LPP: variants seen among roughly 807,000 people sequenced by gnomAD.
The protein encoded by LPP is LIM domain containing preferred translocation partner in lipoma.
A neutral mutation model predicts 60.4 loss-of-function variants in LPP; 38 were observed. That is an observed-to-expected ratio of 0.63 (90% CI 0.49 to 0.83). The LOEUF (loss-of-function observed/expected upper bound fraction) is 0.83, where lower values mean the gene tolerates loss of function less well. Among genes scored for constraint, LPP ranks in the 40% least tolerant of loss-of-function variants. The pLI, the probability that LPP is intolerant of heterozygous loss-of-function variation, is 0.00. For synonymous variants in LPP, 328 were observed against 290.8 expected, an observed-to-expected ratio of 1.13 and a Z score of -1.30; for missense variants, 902 against 783.6, an observed-to-expected ratio of 1.15 and a Z score of -1.80.
chr3:188,340,595 A>G (rs1289578385), intron 2 of LPP, among the ~76,000 whole-genome samples: 2 of 152,096 alleles, frequency 1.3e-5, no homozygotes. Flanking sequence ...GTCTGGTGGA[A>G]ACTCCAACTC....
rs887878188 is a variant in LPP, at chr3:188,622,769, C to A, written c.1113+12925C>A. Reference sequence around the variant, plus strand: ...GCTGGGCCAGGCACAGTGGCTCACACCTGTAATCCCAGCACTTTGGGAGAC... The same window carrying A: ...GCTGGGCCAGGCACAGTGGCTCACAACTGTAATCCCAGCACTTTGGGAGAC... On this transcript the variant is annotated intron_variant, in intron 7 of 11. Transcript: ENST00000617246. Among the ~76,000 whole-genome samples the A allele has an allele frequency of 5.3e-4, 81 of 152,000 alleles. 2 individuals carry two copies. The highest frequency in any genetic ancestry group is 1.6e-4 in the Non-Finnish European group (11 of 67,986).
intron 1 of LPP, among the ~76,000 whole-genome samples, chr3:188,221,700 G>T (rs1715851026): frequency 6.6e-6 from 1 of 152,156 alleles, no homozygotes; most frequent in South Asian, 2.1e-4. Flanking sequence ...TAGTGCCAGG[G>T]TTCTGAGCTT....
chr3:188,698,704 T>A (rs1023905915), intron 7 of LPP, among the ~76,000 whole-genome samples: 5 of 152,238 alleles, frequency 3.3e-5, no homozygotes, highest in Admixed American at 6.5e-5. Flanking sequence ...TGCCGAAGCC[T>A]AAGGGAGGCT....
At chr3:188,196,855 A>G (rs1231833103) in intron 1 of LPP, among the ~76,000 whole-genome samples, 1 of 152,274 alleles carries the variant, frequency 6.6e-6, no homozygotes, top group East Asian at 1.9e-4. Flanking sequence ...GACCTCACAC[A>G]TAGTGTTCCC....
intron 9 of LPP, among the ~76,000 whole-genome samples, chr3:188,801,294 C>T (rs1056667121): frequency 6.6e-6 from 1 of 152,104 alleles, no homozygotes; most frequent in African/African-American, 2.4e-5. Flanking sequence ...ATAAATTATA[C>T]AGTTAATATA....
intron 2 of LPP, among the ~76,000 whole-genome samples, chr3:188,282,748 T>G (rs532973259): frequency 6.6e-6 from 1 of 152,294 alleles, no homozygotes; most frequent in Non-Finnish European, 1.5e-5. Flanking sequence ...TTAGCTCAAA[T>G]TCCACCTTCT....
At chr3:188,613,554 G>A (rs943248831) in intron 7 of LPP, among the ~76,000 whole-genome samples, 6 of 152,110 alleles carry the variant, frequency 3.9e-5, no homozygotes, top group Non-Finnish European at 8.8e-5. Flanking sequence ...GGAAGTTGGA[G>A]AATCTTGTCC....
chr3:188,753,984 T>C, intron 8 of LPP, among the ~76,000 whole-genome samples: 1 of 152,328 alleles, frequency 6.6e-6, no homozygotes, highest in Admixed American at 6.5e-5. Context: ...TTCACAGAGC[T>C]AAATGGCAAT....
intron 4 of LPP, among the ~76,000 whole-genome samples, chr3:188,442,404 A>G (rs1196688013): frequency 2.6e-5 from 4 of 152,178 alleles, no homozygotes; most frequent in Non-Finnish European, 5.9e-5. Flanking sequence ...GAATGTCAGT[A>G]CTAAAAGGAG....
intron 2 of LPP, among the ~76,000 whole-genome samples, chr3:188,323,199 G>A (rs1245751313): frequency 6.6e-6 from 1 of 152,134 alleles, no homozygotes; most frequent in African/African-American, 2.4e-5. Context: ...AAAAGAGAGA[G>A]AGCAGACATA....
Position 188,890,493 on chromosome 3 carries a change from G to A in LPP, c.*16014G>A. ...TTTAGGTATTTTCTTTTGTGTTTAT[G>A]CATTATCTGACTATATTAAAACCTG... On this transcript the variant is annotated 3_prime_UTR_variant, in exon 12 of 12. Transcript: ENST00000617246. The A allele has an allele frequency of 5.3e-6, 1 of 189,516 alleles. No individual in the cohort carries two copies. The highest frequency in any genetic ancestry group is 1.9e-4 in the South Asian group (1 of 5,154). The allele number at this position is 189,516 out of a possible 1,614,324, so 11.7% of individuals were successfully genotyped here.
At position 188,881,998 on chromosome 3, in the gene LPP, G is replaced by T; in HGVS notation, c.*7519G>T. 2 of 211,350 alleles carry T rather than the reference G, an allele frequency of 9.5e-6. No homozygotes were observed. Among genetic ancestry groups the T allele is most frequent in the African/African-American group, 2.3e-5 (1 of 44,178 alleles). The allele number at this position is 211,350 out of a possible 1,614,324, so 13.1% of individuals were successfully genotyped here. ...GAGTCCATATTTTTCTTTTCTTTTT[G>T]TTCTCCCAACATCCTTATCTCTTAC... is the stretch of plus-strand genomic sequence containing the variant. On this transcript the variant is annotated 3_prime_UTR_variant, in exon 12 of 12. Coordinates refer to ENST00000617246, the MANE Select transcript of LPP (RefSeq NM_001375462.1).
chr3:188,609,109 G>C lies in LPP; in HGVS notation c.430-52G>C. On this transcript the variant is annotated intron_variant, in intron 6 of 11. Coordinates refer to ENST00000617246, the MANE Select transcript of LPP (RefSeq NM_001375462.1). The surrounding 1 kb of genome is among the most constrained non-coding windows in gnomAD (Gnocchi z 6.9). ...CATTTATTCATTTTTATTGAGTTTC[G>C]TTGGCAGTAATTTTTGCTTTCTTTC... is the stretch of plus-strand genomic sequence containing the variant. The C allele has an allele frequency of 7.7e-7, 1 of 1,305,822 alleles. No individual in the cohort carries two copies. Among genetic ancestry groups the C allele is most frequent in the Non-Finnish European group, 1.1e-6 (1 of 937,724 alleles). 80.9% of individuals were successfully genotyped at this position (1,305,822 alleles called of 1,614,324 possible).
chr3:188,491,818 T>G (rs189048261), intron 5 of LPP, among the ~76,000 whole-genome samples: 21 of 152,326 alleles, frequency 1.4e-4, no homozygotes, highest in Admixed American at 1.2e-3. Flanking sequence ...GTAAAAACCC[T>G]TTTGACAGTA....
chr3:188,227,737 C>T (rs73057651), intron 2 of LPP, among the ~76,000 whole-genome samples: 2,470 of 152,206 alleles, frequency 0.016, 60 homozygotes, highest in African/African-American at 0.054. Flanking sequence ...GGCCATGAGA[C>T]GGCTGCCTGC....
At chr3:188,371,641 A>ATATTTTTTTTTTTTTTTTT (rs1553878071) in intron 3 of LPP, among the ~76,000 whole-genome samples, 1 of 32,166 alleles carries the variant, frequency 3.1e-5, no homozygotes, top group Non-Finnish European at 5.2e-5. Context: ...ATATATATAT[A>ATATTTTTTTTTTTTTTTTT]TTTTTTTTTT....
chr3:188,250,806 T>TTCTC (rs373261792), intron 2 of LPP, among the ~76,000 whole-genome samples: 2 of 138,356 alleles, frequency 1.4e-5, no homozygotes, highest in Non-Finnish European at 3.1e-5. Context: ...CTTTCTTTCT[T>TTCTC]TCTCTTTCTT....
chr3:188,607,399 AT>A (rs1560628631), intron 6 of LPP, among the ~76,000 whole-genome samples: 23,001 of 65,458 alleles, frequency 0.35, 3,545 homozygotes, highest in Non-Finnish European at 0.41. Context: ...ATATATATAT[AT>A]ATATATATAT....
chr3:188,183,226 C>G (rs899261602), intron 1 of LPP, among the ~76,000 whole-genome samples: 2 of 152,174 alleles, frequency 1.3e-5, no homozygotes, highest in Non-Finnish European at 2.9e-5. Flanking sequence ...GCACCACGTC[C>G]TGGAGTATCC....
Sources: allele counts gnomAD v4.1 joint callset (sites outside exome capture counted in the v4.1 genomes callset), GRCh38; gene constraint gnomAD v4.1.1; non-coding constraint Gnocchi (gnomAD v3.1); transcripts MANE v1.5; gene names NCBI Gene and HGNC (gene_info 2026-07-23, HGNC 2026-07-21).